STAU1: variants seen among roughly 807,000 people sequenced by gnomAD.
STAU1 encodes staufen double-stranded RNA binding protein 1, also known as double-stranded RNA-binding protein Staufen homolog 1.
In STAU1, 13 loss-of-function variants were observed where a neutral mutation model predicts 62.9. The observed-to-expected ratio is 0.21, with a 90% CI of 0.13 to 0.33. The LOEUF (loss-of-function observed/expected upper bound fraction) is 0.33, where lower values mean the gene tolerates loss of function less well. STAU1 is among the 10% of genes least tolerant of loss of function. STAU1 has a pLI of 1.00. For missense variants in STAU1, 571 were observed against 712.1 expected, an observed-to-expected ratio of 0.80 and a Z score of 2.25; for synonymous variants, 269 against 265.1, an observed-to-expected ratio of 1.01 and a Z score of -0.14.
intron 7 of STAU1, among the ~76,000 whole-genome samples, chr20:49,123,908 A>G (rs538603448): frequency 9.2e-5 from 14 of 152,326 alleles, no homozygotes; most frequent in Admixed American, 7.2e-4. Context: ...GGGTCAATAT[A>G]ATGCTTTGAT....
At chr20:49,123,602 A>G (rs1053096400) in intron 7 of STAU1, among the ~76,000 whole-genome samples, 27 of 152,150 alleles carry the variant, frequency 1.8e-4, no homozygotes, top group Non-Finnish European at 2.6e-4. Context: ...ATTTTCTTGA[A>G]AAGAACTCAA....
chr20:49,133,698 G>A (rs151103399), intron 6 of STAU1, among the ~76,000 whole-genome samples: 6 of 152,262 alleles, frequency 3.9e-5, no homozygotes, highest in Non-Finnish European at 8.8e-5. Flanking sequence ...GATCCATGTC[G>A]GTGCTCTGGA....
intron 4 of STAU1, among the ~76,000 whole-genome samples, 167 bp downstream of exon 4, chr20:49,153,766 G>A (rs527833306): frequency 1.1e-4 from 17 of 148,550 alleles, no homozygotes; most frequent in Non-Finnish European, 2.4e-4. Flanking sequence ...AAAAGAAAAG[G>A]CGGGGGAGGG....
the STAU1 span, among the ~76,000 whole-genome samples, chr20:49,217,194 T>C: frequency 9.2e-5 from 14 of 151,852 alleles, 1 homozygote; most frequent in Non-Finnish European, 1.3e-4. Context: ...AATTGCTGCT[T>C]CTAGGGAGAA....
At chr20:49,195,179 T>G in the STAU1 span, among the ~76,000 whole-genome samples, 1 of 152,156 alleles carries the variant, frequency 6.6e-6, no homozygotes, top group African/African-American at 2.4e-5. Context: ...TTTCACAAAT[T>G]TCATGACATG....
chr20:49,132,619 C>G (rs951930705), intron 6 of STAU1, among the ~76,000 whole-genome samples: 3 of 151,966 alleles, frequency 2.0e-5, no homozygotes, highest in African/African-American at 7.3e-5. Flanking sequence ...ATTAGTGAGG[C>G]ATGGTGGTGT....
intron 1 of STAU1, among the ~76,000 whole-genome samples, chr20:49,182,612 G>A (rs2093738655): frequency 6.6e-6 from 1 of 152,218 alleles, no homozygotes; most frequent in Non-Finnish European, 1.5e-5. Flanking sequence ...GCCGAGGTGG[G>A]CGGATCACAA....
In STAU1 at chr20:49,114,909, A is replaced by G; in HGVS notation, c.1719-16T>C. ...CCTCCCACACCTTTAAGGAAGAAAA[A>G]TGAAAATGACACTAGTTTTGAAATG... is the stretch of plus-strand genomic sequence containing the variant. On this transcript the variant is annotated splice_polypyrimidine_tract_variant and intron_variant, in intron 13 of 13. Transcript: ENST00000371856. 5.0e-6 allele frequency: 8 copies of G among 1,612,892 alleles called. No individual in the cohort carries two copies. Among genetic ancestry groups the G allele is most frequent in the Non-Finnish European group, 6.8e-6 (8 of 1,179,230 alleles).
At chr20:49,207,811 C>A in the STAU1 span, among the ~76,000 whole-genome samples, 5 of 152,080 alleles carry the variant, frequency 3.3e-5, no homozygotes, top group African/African-American at 1.2e-4. Context: ...TGAGCCACCA[C>A]GCCCGGCTCC....
Position 49,151,751 on chromosome 20 carries a change from G to C in STAU1, c.345-4C>G, listed in dbSNP as rs768130964. 6.2e-7 allele frequency: 1 copy of C among 1,604,982 alleles called. No homozygotes were observed. The highest frequency in any genetic ancestry group is 8.5e-7 in the Non-Finnish European group (1 of 1,177,210). ...AACTGGAAATGGGTAAAAGTACCTA[G>C]AAATAAAAGGAGGTTAGGCAAATTA... On this transcript the variant is annotated splice_polypyrimidine_tract_variant and splice_region_variant and intron_variant, in intron 4 of 13. Transcript: ENST00000371856.
intron 2 of STAU1, among the ~76,000 whole-genome samples, chr20:49,170,414 G>A (rs932117952): frequency 3.3e-5 from 5 of 152,120 alleles, no homozygotes; most frequent in Admixed American, 6.6e-5. Flanking sequence ...GCAGTGGCAC[G>A]ATCTTGGCTC....
At position 49,166,016 on chromosome 20, in the gene STAU1, T is replaced by C; in HGVS notation, c.186A>G (p.Thr62=). Residue 62 remains threonine, a synonymous_variant, in exon 3 of 14, where the codon ACA becomes ACG. Coordinates refer to ENST00000371856, the MANE Select transcript of STAU1 (RefSeq NM_017453.4). Reference sequence around the variant, plus strand: ...GCTTACCTGCAGCTGCACTGGTGGATGTAATAGATGCAGAGGGTAAAGCAG... The same window carrying C: ...GCTTACCTGCAGCTGCACTGGTGGACGTAATAGATGCAGAGGGTAAAGCAG... ...QNSALPSASI[T]STSAAAESIT... is the part of the protein sequence containing the mutation. The C allele has an allele frequency of 1.2e-6, 2 of 1,614,118 alleles. No individual in the cohort carries two copies. Among genetic ancestry groups the C allele is most frequent in the African/African-American group, 1.3e-5 (1 of 75,040 alleles).
chr20:49,214,416 G>A, the STAU1 span, among the ~76,000 whole-genome samples: 1 of 151,850 alleles, frequency 6.6e-6, no homozygotes, highest in African/African-American at 2.4e-5. Context: ...TACTTGGGAG[G>A]CTGAGGCAGG....
chr20:49,192,896 T>C (rs558409024), upstream of STAU1, among the ~76,000 whole-genome samples: 7 of 152,250 alleles, frequency 4.6e-5, no homozygotes, highest in Admixed American at 3.3e-4. Flanking sequence ...TAAAGTCTTA[T>C]GGAAAAATTA....
the STAU1 span, among the ~76,000 whole-genome samples, chr20:49,197,104 G>A: frequency 1.3e-5 from 2 of 151,742 alleles, no homozygotes; most frequent in Non-Finnish European, 1.5e-5. Context: ...GCAGTGAGCC[G>A]AGATCGCACC....
intron 1 of STAU1, among the ~76,000 whole-genome samples, chr20:49,183,256 T>A (rs1003307066): frequency 7.9e-5 from 12 of 152,222 alleles, no homozygotes; most frequent in Admixed American, 3.9e-4. Context: ...AAAATCCCAT[T>A]CTGAGAGAAA....
In STAU1 at chr20:49,125,082, A is replaced by AAAAC. The variant is rs1417780605; in HGVS notation, c.610-496_610-495insGTTT. ...CCGCACACATTAAGTAAAAAAAAAA[A>AAAAC]AAAAAAAAACCCACAAAAGAGTATA... On this transcript the variant is annotated intron_variant, in intron 6 of 13. Coordinates refer to ENST00000371856, the MANE Select transcript of STAU1 (RefSeq NM_017453.4). 8.4e-4 allele frequency among the ~76,000 whole-genome samples: 127 copies of AAAAC among 150,560 alleles called. 4 individuals carry two copies. Among genetic ancestry groups the AAAAC allele is most frequent in the Non-Finnish European group, 1.6e-3 (105 of 67,584 alleles).
At chr20:49,153,064 C>G (rs1489281434) in intron 4 of STAU1, among the ~76,000 whole-genome samples, 1 of 150,830 alleles carries the variant, frequency 6.6e-6, no homozygotes, top group African/African-American at 2.4e-5. Flanking sequence ...TCCTGGCTAA[C>G]AAGGTGAAAC....
rs763256782 is a variant in STAU1, at chr20:49,151,731, G to C, written c.361C>G (p.Pro121Ala). 1.9e-6 allele frequency: 3 copies of C among 1,610,534 alleles called. No individual in the cohort carries two copies. Among genetic ancestry groups the C allele is most frequent in the Non-Finnish European group, 2.5e-6 (3 of 1,178,972 alleles). Residue 121 changes from proline to alanine, a missense_variant, in exon 5 of 14, where the codon CCA becomes GCA. By Grantham distance (27) the Pro-to-Ala change is conservative. Transcript: ENST00000371856. ...ACTTGATAAAGTAAAGGTGGAACTG[G>C]AAATGGGTAAAAGTACCTAGAAATA... ...AYPPRYFYPFPVPPLLYQVEL... is the reference protein window; with the variant it reads ...AYPPRYFYPFAVPPLLYQVEL...
Sources: allele counts gnomAD v4.1 joint callset (sites outside exome capture counted in the v4.1 genomes callset), GRCh38; gene constraint gnomAD v4.1.1; transcripts MANE v1.5; gene names NCBI Gene and HGNC (gene_info 2026-07-23, HGNC 2026-07-21).